The following DYM variants were observed in gnomAD, a reference collection of about 807,000 sequenced individuals.
DYM encodes dymeclin.
A neutral mutation model predicts 93.1 loss-of-function variants in DYM; 78 were observed. The observed-to-expected ratio is 0.84, with a 90% CI of 0.70 to 1.01. The LOEUF is 1.01. Among genes scored for constraint, DYM ranks in the 50% least tolerant of loss-of-function variants. The pLI is 0.00. For synonymous variants in DYM, 321 were observed against 319.7 expected, an observed-to-expected ratio of 1.00 and a Z score of -0.04; for missense variants, 789 against 845.0, an observed-to-expected ratio of 0.93 and a Z score of 0.82.
intron 6 of DYM, among the ~76,000 whole-genome samples, chr18:49,362,683 C>T (rs746561338): frequency 6.6e-6 from 1 of 152,068 alleles, no homozygotes; most frequent in African/African-American, 2.4e-5. Flanking sequence ...AGAGCTTTAC[C>T]CAGAGGTTTC....
intron 2 of DYM, among the ~76,000 whole-genome samples, chr18:49,403,894 A>G (rs570258834): frequency 1.3e-5 from 2 of 152,184 alleles, no homozygotes; most frequent in South Asian, 4.1e-4. Context: ...AGCTGCATCC[A>G]TGTTGCTTGC....
intron 5 of DYM, among the ~76,000 whole-genome samples, chr18:49,366,094 C>G (rs1198885424): frequency 6.6e-6 from 1 of 152,074 alleles, no homozygotes; most frequent in Admixed American, 6.6e-5. Context: ...AAAAAAAATT[C>G]CTCAGAATTC....
intron 14 of DYM, among the ~76,000 whole-genome samples, chr18:49,190,253 T>C: frequency 6.6e-6 from 1 of 152,208 alleles, no homozygotes; most frequent in East Asian, 1.9e-4. Context: ...CAGAAATAAA[T>C]TTTCCTGCAG....
intron 16 of DYM, among the ~76,000 whole-genome samples, chr18:49,103,921 C>T (rs357877): frequency 0.94 from 140,962 of 150,600 alleles, 66,041 homozygotes; most frequent in East Asian, 1. Context: ...ATATGAACTT[C>T]AAAGTAGTTT....
At chr18:49,126,765 T>C (rs999727426) in intron 15 of DYM, among the ~76,000 whole-genome samples, 4 of 152,214 alleles carry the variant, frequency 2.6e-5, no homozygotes, top group South Asian at 2.1e-4. Flanking sequence ...TCCACAAACA[T>C]ATTTTCGAAG....
chr18:49,191,125 G>C (rs986869924), intron 14 of DYM, among the ~76,000 whole-genome samples: 6 of 152,032 alleles, frequency 3.9e-5, no homozygotes, highest in Non-Finnish European at 5.9e-5. Flanking sequence ...CATCGTTCAA[G>C]GGTCGACTAT....
At chr18:49,291,310 T>A (rs2060097787) in intron 8 of DYM, among the ~76,000 whole-genome samples, 1 of 152,240 alleles carries the variant, frequency 6.6e-6, no homozygotes, top group South Asian at 2.1e-4. Flanking sequence ...CAGTTCAGTG[T>A]GAACATCTGT....
chr18:49,251,623 G>T (rs748366403), intron 13 of DYM, among the ~76,000 whole-genome samples: 1 of 152,158 alleles, frequency 6.6e-6, no homozygotes, highest in Non-Finnish European at 1.5e-5. Flanking sequence ...AATTATGTGC[G>T]AGGCCGTTAC....
intron 17 of DYM, among the ~76,000 whole-genome samples, chr18:49,077,243 C>T (rs1453223664): frequency 6.6e-6 from 1 of 152,220 alleles, no homozygotes; most frequent in East Asian, 1.9e-4. Context: ...AAGCCCCTTC[C>T]TGTGCCTTTG....
chr18:49,147,857 G>A (rs1291822442), intron 15 of DYM, among the ~76,000 whole-genome samples: 1 of 152,164 alleles, frequency 6.6e-6, no homozygotes, highest in African/African-American at 2.4e-5. Context: ...ATACCCAAAG[G>A]AGTATAAAAC....
intron 8 of DYM, among the ~76,000 whole-genome samples, chr18:49,318,720 C>T (rs1432062526): frequency 1.3e-5 from 2 of 151,924 alleles, no homozygotes; most frequent in Non-Finnish European, 2.9e-5. Context: ...TAAGTGATAA[C>T]CCCACAATTT....
intron 16 of DYM, among the ~76,000 whole-genome samples, chr18:49,110,595 T>C (rs1406150741): frequency 1.3e-5 from 2 of 152,180 alleles, no homozygotes; most frequent in East Asian, 3.8e-4. Context: ...CCTCTGTATA[T>C]AATGTTTCTT....
At chr18:49,073,633 A>G (rs2077071075) in intron 17 of DYM, among the ~76,000 whole-genome samples, 1 of 152,208 alleles carries the variant, frequency 6.6e-6, no homozygotes, top group Admixed American at 6.5e-5. Flanking sequence ...AGTTGATTAA[A>G]TTCACCCTGC....
chr18:49,370,830 C>A (rs2066970785), intron 5 of DYM, among the ~76,000 whole-genome samples: 1 of 152,192 alleles, frequency 6.6e-6, no homozygotes, highest in South Asian at 2.1e-4. Context: ...ATAAGCCCTC[C>A]TGTACAAAAC....
At chr18:49,095,607 C>T (rs1278980944) in intron 17 of DYM, among the ~76,000 whole-genome samples, 3 of 152,022 alleles carry the variant, frequency 2.0e-5, no homozygotes, top group Admixed American at 2.0e-4. Flanking sequence ...TGACCTTGGC[C>T]TCAATAGGAT....
intron 14 of DYM, among the ~76,000 whole-genome samples, chr18:49,172,250 G>A (rs1407470628): frequency 2.6e-5 from 4 of 152,146 alleles, no homozygotes; most frequent in South Asian, 2.1e-4. Context: ...TTGCACAGAC[G>A]TGCCTCGATT....
At chr18:49,373,129 C>T (rs2067195970) in intron 5 of DYM, among the ~76,000 whole-genome samples, 1 of 151,958 alleles carries the variant, frequency 6.6e-6, no homozygotes, top group Non-Finnish European at 1.5e-5. Flanking sequence ...TTTTATATTA[C>T]AATAAAAATG....
chr18:49,410,718 G>A (rs1443135073), intron 2 of DYM, among the ~76,000 whole-genome samples: 3 of 151,748 alleles, frequency 2.0e-5, no homozygotes, highest in Admixed American at 6.6e-5. Flanking sequence ...AGCCCTGGAG[G>A]TGGAGGCTGC....
intron 15 of DYM, among the ~76,000 whole-genome samples, chr18:49,128,281 G>A (rs2083026289): frequency 6.6e-6 from 1 of 152,218 alleles, no homozygotes; most frequent in African/African-American, 2.4e-5. Context: ...CCCACTGCCA[G>A]CAGAAGAGAC....
Sources: allele counts gnomAD v4.1 joint callset (sites outside exome capture counted in the v4.1 genomes callset), GRCh38; gene constraint gnomAD v4.1.1; transcripts MANE v1.5; gene names NCBI Gene and HGNC (gene_info 2026-07-23, HGNC 2026-07-21).